Variants in RCE1 observed in about 807,000 individuals in gnomAD.
RCE1 encodes CAAX prenyl protease 2.
In RCE1, 15 loss-of-function variants were observed where a neutral mutation model predicts 35.0. That is an observed-to-expected ratio of 0.43 (90% CI 0.29 to 0.66). The LOEUF (loss-of-function observed/expected upper bound fraction) is 0.66. Ranked by LOEUF, RCE1 falls within the 30% of genes least tolerant of loss-of-function variation. The pLI is 0.17. For missense variants in RCE1, 434 were observed against 433.0 expected (o/e 1.00, Z -0.02); for synonymous variants, 261 against 192.7 (o/e 1.35, Z -2.94).
At position 66,845,962 on chromosome 11, in the gene RCE1, C is replaced by T. The variant is rs1219593037; in HGVS notation, c.857C>T (p.Ala286Val). The T allele has an allele frequency of 1.2e-6, 2 of 1,613,840 alleles. No homozygotes were observed. Among genetic ancestry groups the T allele is most frequent in the Non-Finnish European group, 8.5e-7 (1 of 1,180,034 alleles). ...LEHPQRRPLLAGYALGVGLFL... is the reference protein window; with the variant it reads ...LEHPQRRPLLVGYALGVGLFL... ...CACCCACAGAGGCGGCCCCTGCTGG[C>T]AGGCTATGCCCTGGGTGTGGGACTC... Residue 286 changes from alanine to valine, a missense_variant, in exon 8 of 8, where the codon GCA becomes GTA. Ala to Val is a moderately conservative substitution (Grantham distance 64). Transcript: ENST00000309657.
At position 66,846,344 on chromosome 11, in the gene RCE1, C is replaced by T; in HGVS notation, c.*249C>T. 2.2e-6 allele frequency: 1 copy of T among 462,676 alleles called. No homozygotes were observed. The highest frequency in any genetic ancestry group is 3.8e-6 in the Non-Finnish European group (1 of 263,620). The allele number at this position is 462,676 out of a possible 1,614,324, so 28.7% of individuals were successfully genotyped here. ...GACAAGGGGCAGGTCCCAGGAGCCA[C>T]ACACTCCCTTCCTCACTTTGGACTG... On this transcript the variant is annotated 3_prime_UTR_variant, in exon 8 of 8. Transcript: ENST00000309657.
At chr11:66,844,190 G>A (rs1945156810) in intron 3 of RCE1, 96 bp from the exon 4 acceptor site, 1 of 1,595,938 alleles carries the variant, frequency 6.3e-7, no homozygotes, top group Admixed American at 1.7e-5. Flanking sequence ...TGGAAATCGT[G>A]GCTGGAGAGG....
In RCE1 at chr11:66,846,148, C is replaced by A; in HGVS notation, c.*53C>A. The A allele has an allele frequency of 6.6e-7, 1 of 1,521,382 alleles. No homozygotes were observed. Among genetic ancestry groups the A allele is most frequent in the Non-Finnish European group, 8.8e-7 (1 of 1,138,428 alleles). 94.2% of individuals were successfully genotyped at this position (1,521,382 alleles called of 1,614,324 possible). On this transcript the variant is annotated 3_prime_UTR_variant, in exon 8 of 8. Coordinates refer to ENST00000309657, the MANE Select transcript of RCE1 (RefSeq NM_005133.3). ...CTCACCGGCTCCCCAGCCCTCCCCA[C>A]CAAGGGGTACTGCAGGGGAAGGGCT... is the stretch of plus-strand genomic sequence containing the variant.
intron 3 of RCE1, 25 bp downstream of exon 3, chr11:66,844,064 C>T (rs760249653): frequency 3.8e-5 from 61 of 1,613,708 alleles, no homozygotes; most frequent in African/African-American, 5.3e-5. Flanking sequence ...TGTATTTTTT[C>T]TTCTGGTCTT....
chr11:66,843,544 G>T lies in RCE1; in HGVS notation c.89G>T (p.Gly30Val). Residue 30 changes from glycine to valine, a missense_variant, in exon 1 of 8, where the codon GGC (glycine) becomes GTC (valine). By Grantham distance (109) the Gly-to-Val change is moderately radical. Coordinates refer to ENST00000309657, the MANE Select transcript of RCE1 (RefSeq NM_005133.3). ...GAGTCGGCGGCGCTGGGCGGCCTGG[G>T]CCCCGGGCTGTGCTGCTGGGTGTCA... is the stretch of plus-strand genomic sequence containing the variant. Reference protein sequence around the residue: ...PPESAALGGLGPGLCCWVSVF... With the variant: ...PPESAALGGLVPGLCCWVSVF... The T allele has an allele frequency of 6.4e-7, 1 of 1,551,212 alleles. No individual in the cohort carries two copies. Among genetic ancestry groups the T allele is most frequent in the South Asian group, 1.2e-5 (1 of 85,970 alleles).
intron 3 of RCE1, 57 bp from the exon 4 acceptor site, chr11:66,844,229 G>T: frequency 6.2e-7 from 1 of 1,612,018 alleles, no homozygotes; most frequent in South Asian, 1.1e-5. Flanking sequence ...CAGGGAGCAT[G>T]GGCAAAGGTC....
At position 66,846,083 on chromosome 11, in the gene RCE1, C is replaced by T; in HGVS notation, c.978C>T (p.Pro326=). ...AGCGGGCAGGGGACTCAGAGGCTCC[C>T]CTGTGCTCCTGACCTATGCTCCTGG... ...LLERAGDSEA[P]LCS Residue 326 remains proline (P), a synonymous_variant, in exon 8 of 8, where the codon CCC becomes CCT. Coordinates refer to ENST00000309657, the MANE Select transcript of RCE1 (RefSeq NM_005133.3). The T allele has an allele frequency of 1.2e-6, 2 of 1,608,680 alleles. No individual in the cohort carries two copies. Among genetic ancestry groups the T allele is most frequent in the Non-Finnish European group, 1.7e-6 (2 of 1,178,296 alleles).
In RCE1 at chr11:66,843,590, C is replaced by T. The variant is rs751578977; in HGVS notation, c.135C>T (p.Leu45=). The T allele has an allele frequency of 3.8e-6, 6 of 1,589,530 alleles. No homozygotes were observed. The highest frequency in any genetic ancestry group is 3.4e-6 in the Non-Finnish European group (4 of 1,174,806). ...CWVSVFSCLS[L]ACSYVGSLYV... is the part of the protein sequence containing the mutation. ...TGTCAGTGTTCTCCTGCCTCAGCCT[C>T]GCCTGCTCCTACGTGGGCAGCCTCT... Residue 45 remains leucine, a synonymous_variant, in exon 1 of 8, where the codon CTC becomes CTT. Coordinates refer to ENST00000309657, the MANE Select transcript of RCE1 (RefSeq NM_005133.3).
intron 7 of RCE1, 44 bp downstream of exon 7, chr11:66,845,606 C>A: frequency 6.2e-7 from 1 of 1,612,370 alleles, no homozygotes; most frequent in Non-Finnish European, 8.5e-7. Flanking sequence ...CCCACAGGAG[C>A]GGGTGGGAGA....
chr11:66,844,717 T>G, intron 4 of RCE1, 152 bp from the exon 5 acceptor site: 2 of 1,150,998 alleles, frequency 1.7e-6, no homozygotes, highest in Non-Finnish European at 2.4e-6. Flanking sequence ...GACATTGGGT[T>G]TATGTTGGGT....
intron 3 of RCE1, 121 bp from the exon 4 acceptor site, chr11:66,844,165 C>T: frequency 6.3e-7 from 1 of 1,588,364 alleles, no homozygotes; most frequent in South Asian, 1.1e-5. Flanking sequence ...CCAGGGTCCT[C>T]CGGTATGCAT....
chr11:66,845,056 T>C lies in RCE1; in HGVS notation c.619+20T>C, dbSNP rs1370120713. The C allele has an allele frequency of 6.2e-7, 1 of 1,605,040 alleles. No homozygotes were observed. Among genetic ancestry groups the C allele is most frequent in the African/African-American group, 1.3e-5 (1 of 74,830 alleles). ...GAGTTGGTGAGTCTGGCCAGATTAG[T>C]CCTGGTGTGTTTTCAGCATGAGAGC... On this transcript the variant is annotated intron_variant, in intron 5 of 7. Transcript: ENST00000309657.
intron 4 of RCE1, 151 bp downstream of exon 4, chr11:66,844,515 G>T (rs1945164424): frequency 3.5e-6 from 4 of 1,149,762 alleles, no homozygotes; most frequent in Non-Finnish European, 4.9e-6. Context: ...ATAGAGCTAG[G>T]TGGCCTCTAA....
rs762002527 is a variant in RCE1 at position 66,844,299 on chromosome 11, G to T, written c.386G>T (p.Gly129Val). Residue 129 changes from glycine to valine, a missense_variant, in exon 4 of 8, where the codon GGC becomes GTC. By Grantham distance (109) the Gly-to-Val change is moderately radical (BLOSUM62 -3). Coordinates refer to ENST00000309657, the MANE Select transcript of RCE1 (RefSeq NM_005133.3). ...PLLLTMILFL[G>V]PLMQLSMDCP... ...TCTTGCCCTCAGATTCTTTTCCTGG[G>T]CCCACTGATGCAGCTCTCTATGGAT... 1 of 1,614,154 alleles carries T rather than the reference G, an allele frequency of 6.2e-7. No homozygotes were observed.
rs146955609 is a variant in RCE1 at position 66,843,759 on chromosome 11, G to T, written c.186G>T (p.Arg62Ser). 6.2e-7 allele frequency: 1 copy of T among 1,613,506 alleles called. No individual in the cohort carries two copies. The highest frequency in any genetic ancestry group is 8.5e-7 in the Non-Finnish European group (1 of 1,179,970). ...CCTGAACTTACTGTCCCCTCCGTAG[G>T]GACCATCCCGCGGTCATCAAGCGAC... ...SLYVWKSELP[R>S]DHPAVIKRRF... The change falls in exon 2 of 8, where the codon AGG (arginine) becomes AGT (serine). Residue 62 changes from arginine (R) to serine (S), a missense_variant and splice_region_variant. Coordinates refer to ENST00000309657, the MANE Select transcript of RCE1 (RefSeq NM_005133.3).
chr11:66,844,200 G>A, intron 3 of RCE1, 86 bp from the exon 4 acceptor site: 3 of 1,601,736 alleles, frequency 1.9e-6, no homozygotes, highest in East Asian at 4.5e-5. Flanking sequence ...GGCTGGAGAG[G>A]ATTTCAAGCT....
intron 3 of RCE1, 87 bp downstream of exon 3, chr11:66,844,126 T>C: frequency 6.2e-7 from 1 of 1,603,020 alleles, no homozygotes; most frequent in Non-Finnish European, 8.5e-7. Context: ...GGTTTTTGGT[T>C]GATGGGAGAC....
rs1392936661 is a variant in RCE1 at position 66,843,649 on chromosome 11, G to T, written c.185+9G>T. 1 of 1,602,894 alleles carries T rather than the reference G, an allele frequency of 6.2e-7. No homozygotes were observed. Among genetic ancestry groups the T allele is most frequent in the Non-Finnish European group, 8.5e-7 (1 of 1,176,652 alleles). On this transcript the variant is annotated intron_variant, in intron 1 of 7. Coordinates refer to ENST00000309657, the MANE Select transcript of RCE1 (RefSeq NM_005133.3). ...AAGAGCGAACTGCCCAGGTGCGGGGGCTGCGCGCGACCGGAATCCGCGCCC... is the reference window on the plus strand; with the variant it reads ...AAGAGCGAACTGCCCAGGTGCGGGGTCTGCGCGCGACCGGAATCCGCGCCC...
At chr11:66,844,448 C>G in intron 4 of RCE1, 84 bp downstream of exon 4, 3 of 1,524,266 alleles carry the variant, frequency 2.0e-6, no homozygotes, top group East Asian at 2.3e-5. Flanking sequence ...AGGGTGTGAT[C>G]TGGACACGTG....
Sources: allele counts gnomAD v4.1 joint callset, GRCh38; gene constraint gnomAD v4.1.1; transcripts MANE v1.5; gene names NCBI Gene and HGNC (gene_info 2026-07-23, HGNC 2026-07-21).